The following IL23R variants were observed in gnomAD, a reference collection of about 807,000 sequenced individuals.
IL23R encodes the protein interleukin 23 receptor, also known as interleukin-23 receptor.
IL23R carries 34 observed loss-of-function variants against 56.9 expected under a neutral mutation model. The observed-to-expected ratio is 0.60, with a 90% confidence interval of 0.45 to 0.80. The LOEUF is 0.80. Ranked by LOEUF, IL23R falls within the 30% of genes least tolerant of loss-of-function variation. IL23R has a pLI of 0.00. For missense variants in IL23R, 635 were observed against 730.0 expected (o/e 0.87, Z 1.50); for synonymous variants, 230 against 249.2 (o/e 0.92, Z 0.73).
chr1:67,236,199 C>T (rs923881681), intron 7 of IL23R, among the ~76,000 whole-genome samples: 53 of 152,190 alleles, frequency 3.5e-4, no homozygotes, highest in African/African-American at 1.2e-3. Flanking sequence ...TGACATCCCA[C>T]CCAGGTGTTA....
intron 7 of IL23R, among the ~76,000 whole-genome samples, chr1:67,232,109 T>C (rs976876586): frequency 6.6e-6 from 1 of 152,178 alleles, no homozygotes; most frequent in Non-Finnish European, 1.5e-5. Context: ...AAAAGACTGT[T>C]AACATTTTTT....
chr1:67,220,177 C>T (rs1187099463), intron 7 of IL23R, among the ~76,000 whole-genome samples: 2 of 151,564 alleles, frequency 1.3e-5, no homozygotes, highest in Non-Finnish European at 2.9e-5. Context: ...AAGACCTCCT[C>T]GGCCGACATG....
At chr1:67,202,442 T>G (rs1418095137) in intron 5 of IL23R, among the ~76,000 whole-genome samples, 1 of 152,200 alleles carries the variant, frequency 6.6e-6, no homozygotes, top group Non-Finnish European at 1.5e-5. Flanking sequence ...TTTGCTATGT[T>G]GGCCAGGCTG....
At chr1:67,161,863 C>T (rs999532332), upstream of IL23R, among the ~76,000 whole-genome samples, 6 of 151,874 alleles carry the variant, frequency 4.0e-5, no homozygotes, top group African/African-American at 7.3e-5. Flanking sequence ...CCTGACCTTG[C>T]GATCCACCTG....
chr1:67,187,350 GAC>G (rs1558234612), intron 4 of IL23R, among the ~76,000 whole-genome samples: 1 of 152,126 alleles, frequency 6.6e-6, no homozygotes, highest in African/African-American at 2.4e-5. Context: ...GCAAATTCCA[GAC>G]AGATGAACCA....
intron 4 of IL23R, among the ~76,000 whole-genome samples, chr1:67,195,524 G>T (rs894725582): frequency 6.6e-6 from 1 of 152,188 alleles, no homozygotes; most frequent in Admixed American, 6.5e-5. Context: ...TTATCAAGGG[G>T]CAGAGCTGGG....
chr1:67,185,463 T>G (rs979469164), intron 4 of IL23R, among the ~76,000 whole-genome samples: 19 of 152,176 alleles, frequency 1.2e-4, no homozygotes, highest in Admixed American at 1.1e-3. Context: ...TTTTTGTTTT[T>G]GAGCCACGGT....
intron 1 of IL23R, among the ~76,000 whole-genome samples, chr1:67,145,221 C>T (rs1646668991): frequency 6.6e-6 from 1 of 152,140 alleles, no homozygotes; most frequent in Admixed American, 6.5e-5. Flanking sequence ...GTGGCGGGCA[C>T]CTGTAATTCC....
chr1:67,184,416 C>T (rs904353368), intron 4 of IL23R, among the ~76,000 whole-genome samples: 1 of 151,486 alleles, frequency 6.6e-6, no homozygotes, highest in Non-Finnish European at 1.5e-5. Context: ...TGTGGTGGCA[C>T]ACACTTGTAA....
intron 4 of IL23R, among the ~76,000 whole-genome samples, chr1:67,198,345 T>C (rs1014131514): frequency 1.3e-5 from 2 of 152,220 alleles, no homozygotes; most frequent in African/African-American, 4.8e-5. Flanking sequence ...ATCATGTGAT[T>C]ATTTAGGGGT....
Position 67,228,028 on chromosome 1 carries a change from TTCTTTTCTTTCTTTC to T in IL23R, c.955+8304_955+8318del, listed in dbSNP as rs1241645049. Among the ~76,000 whole-genome samples the T allele has an allele frequency of 2.8e-3, 268 of 96,604 alleles. 32 individuals are homozygous for T. The highest frequency in any genetic ancestry group is 3.3e-3 in the South Asian group (12 of 3,640). The allele number at this position is 96,604 out of a possible 152,430, so 63.4% of individuals were successfully genotyped here. A position where few individuals can be genotyped will look rare whatever the true frequency, so the allele number is the denominator to read the frequency against. ...TTTCTTTCTTTCTTTCTTCCTTTCT[TTCTTTTCTTTCTTTC>T]TCTTTCTTTCTTTCTTTCTCTGTCT... On this transcript the variant is annotated intron_variant, in intron 7 of 10. Transcript: ENST00000347310.
chr1:67,236,241 G>T (rs1176670237), intron 7 of IL23R, among the ~76,000 whole-genome samples: 2 of 152,182 alleles, frequency 1.3e-5, no homozygotes, highest in African/African-American at 4.8e-5. Flanking sequence ...CCAAAATTAG[G>T]TTTCTTATGA....
chr1:67,150,470 G>A (rs554071218), intron 1 of IL23R, among the ~76,000 whole-genome samples: 1 of 151,664 alleles, frequency 6.6e-6, no homozygotes, highest in African/African-American at 2.4e-5. Flanking sequence ...CCCTCCCTGT[G>A]TCCATGTGTT....
At chr1:67,157,571 C>T (rs1646780120) in intron 1 of IL23R, among the ~76,000 whole-genome samples, 2 of 152,252 alleles carry the variant, frequency 1.3e-5, no homozygotes, top group Non-Finnish European at 2.9e-5. Flanking sequence ...GCTCTTCCCA[C>T]ACCGGCCTCC....
At chr1:67,236,912 T>C (rs995380204) in intron 8 of IL23R, 110 bp downstream of exon 8, 6 of 735,410 alleles carry the variant, frequency 8.2e-6, no homozygotes, top group East Asian at 2.6e-5. Flanking sequence ...CAATAAGATA[T>C]GCCTTATGTC....
chr1:67,254,225 T>C (rs961124484), intron 9 of IL23R, among the ~76,000 whole-genome samples: 3 of 151,944 alleles, frequency 2.0e-5, no homozygotes, highest in African/African-American at 7.3e-5. Context: ...CACACCACCA[T>C]TTCCAACTAA....
At chr1:67,217,087 G>A (rs983889471) in intron 6 of IL23R, among the ~76,000 whole-genome samples, 1 of 152,056 alleles carries the variant, frequency 6.6e-6, no homozygotes, top group African/African-American at 2.4e-5. Context: ...TAACTAGGTT[G>A]GAGATTTTTT....
chr1:67,204,624 A>G (rs754585488), intron 5 of IL23R, among the ~76,000 whole-genome samples: 6 of 152,158 alleles, frequency 3.9e-5, no homozygotes, highest in Non-Finnish European at 7.4e-5. Context: ...TTGTGCTGCT[A>G]TAACAGTGGC....
intron 7 of IL23R, among the ~76,000 whole-genome samples, chr1:67,220,891 A>C (rs957172458): frequency 6.6e-5 from 10 of 152,192 alleles, no homozygotes; most frequent in African/African-American, 2.4e-4. Flanking sequence ...GATGCGGTCC[A>C]CCATGCTAGC....
Sources: allele counts gnomAD v4.1 joint callset (sites outside exome capture counted in the v4.1 genomes callset), GRCh38; gene constraint gnomAD v4.1.1; transcripts MANE v1.5; gene names NCBI Gene and HGNC (gene_info 2026-07-23, HGNC 2026-07-21).